GPC5: variants seen among roughly 807,000 people sequenced by gnomAD.
The protein encoded by GPC5 is glypican 5.
A neutral mutation model predicts 53.9 loss-of-function variants in GPC5; 47 were observed. That is an observed-to-expected ratio of 0.87 (90% CI 0.69 to 1.11). GPC5 has a LOEUF of 1.11. Among genes scored for constraint, GPC5 ranks in the 50% most tolerant of loss-of-function variants. The pLI is 0.00. For missense variants in GPC5, 748 were observed against 713.1 expected, an observed-to-expected ratio of 1.05 and a Z score of -0.56; for synonymous variants, 286 against 263.3, an observed-to-expected ratio of 1.09 and a Z score of -0.84.
intron 7 of GPC5, among the ~76,000 whole-genome samples, chr13:92,502,907 A>G (rs1181277719): frequency 6.6e-6 from 1 of 151,992 alleles, no homozygotes; most frequent in Non-Finnish European, 1.5e-5. Flanking sequence ...CCATATACAC[A>G]AGGAACATTC....
intron 7 of GPC5, among the ~76,000 whole-genome samples, chr13:92,225,768 T>C (rs1291942299): frequency 6.6e-6 from 1 of 152,194 alleles, no homozygotes; most frequent in Admixed American, 6.5e-5. Flanking sequence ...AAATGCCCTT[T>C]ATAAACTTTT....
intron 7 of GPC5, among the ~76,000 whole-genome samples, chr13:92,331,046 G>A (rs1417814160): frequency 1.3e-5 from 2 of 152,030 alleles, no homozygotes; most frequent in Non-Finnish European, 2.9e-5. Context: ...TCATCTTAGG[G>A]AATTTAACAA....
At chr13:92,559,385 C>G (rs1307749189) in intron 7 of GPC5, among the ~76,000 whole-genome samples, 2 of 149,036 alleles carry the variant, frequency 1.3e-5, no homozygotes, top group African/African-American at 4.9e-5. Context: ...TGTGGGGGCG[C>G]GGGTGTACTA....
chr13:91,671,381 ATTG>A (rs2035238876), intron 2 of GPC5, among the ~76,000 whole-genome samples: 1 of 152,040 alleles, frequency 6.6e-6, no homozygotes, highest in South Asian at 2.1e-4. Flanking sequence ...CTGCTTGCCT[ATTG>A]TTGGTGTAAA....
At chr13:91,921,960 G>A (rs1027653491) in intron 6 of GPC5, among the ~76,000 whole-genome samples, 1 of 151,972 alleles carries the variant, frequency 6.6e-6, no homozygotes, top group South Asian at 2.1e-4. Context: ...GACAGATTAA[G>A]GACCCTGTCT....
At chr13:92,649,521 G>T (rs1011538771) in intron 7 of GPC5, among the ~76,000 whole-genome samples, 3 of 152,096 alleles carry the variant, frequency 2.0e-5, no homozygotes, top group Non-Finnish European at 4.4e-5. Context: ...GACACTCATT[G>T]TTTATTTTAA....
chr13:92,573,097 T>C (rs1283041266), intron 7 of GPC5, among the ~76,000 whole-genome samples: 1 of 152,220 alleles, frequency 6.6e-6, no homozygotes, highest in African/African-American at 2.4e-5. Context: ...GTACAGAGGT[T>C]GAATTTTATC....
At chr13:91,515,266 AT>A (rs57370973) in intron 2 of GPC5, among the ~76,000 whole-genome samples, 5,700 of 152,106 alleles carry the variant, frequency 0.037, 369 homozygotes, top group African/African-American at 0.13. Context: ...AAACTTGTTC[AT>A]TTTTTTTAAA....
intron 7 of GPC5, among the ~76,000 whole-genome samples, chr13:92,221,647 A>T (rs2139088465): frequency 6.6e-6 from 1 of 152,264 alleles, no homozygotes; most frequent in Middle Eastern, 3.4e-3. Context: ...TCCACAAATG[A>T]TACCCCAGAA....
At chr13:91,979,921 C>T (rs1267649016) in intron 6 of GPC5, among the ~76,000 whole-genome samples, 1 of 152,172 alleles carries the variant, frequency 6.6e-6, no homozygotes, top group Non-Finnish European at 1.5e-5. Context: ...AATCACAAGT[C>T]ACTTAACACA....
intron 2 of GPC5, among the ~76,000 whole-genome samples, chr13:91,558,699 G>C (rs972906135): frequency 6.6e-6 from 1 of 152,030 alleles, no homozygotes; most frequent in Non-Finnish European, 1.5e-5. Flanking sequence ...ATTTTCTAGA[G>C]ATACGTTGAG....
intron 5 of GPC5, among the ~76,000 whole-genome samples, chr13:91,885,182 T>C (rs2039308963): frequency 6.6e-6 from 1 of 152,160 alleles, no homozygotes; most frequent in Non-Finnish European, 1.5e-5. Context: ...TACATTTTTA[T>C]TGGAAGGACA....
At chr13:92,104,859 TAA>T (rs1400198145) in intron 6 of GPC5, among the ~76,000 whole-genome samples, 2 of 152,120 alleles carry the variant, frequency 1.3e-5, no homozygotes, top group African/African-American at 2.4e-5. Flanking sequence ...GGCTTAGGCT[TAA>T]AGTGTTCTGG....
At chr13:91,401,134 C>G (rs138381856) in intron 1 of GPC5, among the ~76,000 whole-genome samples, 70 of 152,226 alleles carry the variant, frequency 4.6e-4, no homozygotes, top group African/African-American at 1.7e-3. Context: ...GAAAAAGTCA[C>G]ACAAAAGTGC....
intron 7 of GPC5, among the ~76,000 whole-genome samples, chr13:92,689,585 A>T (rs1887334333): frequency 4.2e-5 from 1 of 23,912 alleles, no homozygotes; most frequent in African/African-American, 1.3e-4. Flanking sequence ...TAATATTGTT[A>T]TGTGTGAATT....
intron 7 of GPC5, among the ~76,000 whole-genome samples, chr13:92,634,769 G>C (rs903947613): frequency 1.3e-5 from 2 of 151,686 alleles, no homozygotes; most frequent in African/African-American, 4.8e-5. Context: ...GGATCCTAAG[G>C]AAGAGTCCTA....
At chr13:91,464,311 T>C (rs1370118846) in intron 2 of GPC5, among the ~76,000 whole-genome samples, 1 of 152,118 alleles carries the variant, frequency 6.6e-6, no homozygotes, top group Non-Finnish European at 1.5e-5. Flanking sequence ...TGGAAAACAG[T>C]TGGCAGTTTC....
At chr13:92,313,604 C>T (rs190477324) in intron 7 of GPC5, among the ~76,000 whole-genome samples, 39 of 152,282 alleles carry the variant, frequency 2.6e-4, no homozygotes, top group African/African-American at 8.2e-4. Context: ...TTTCATACAG[C>T]CAGTTTCTGT....
At chr13:92,675,069 A>T (rs1446621935) in intron 7 of GPC5, among the ~76,000 whole-genome samples, 3 of 152,076 alleles carry the variant, frequency 2.0e-5, no homozygotes, top group African/African-American at 7.2e-5. Context: ...AACCTATGTC[A>T]AATACTTCTT....
Sources: allele counts gnomAD v4.1 joint callset (sites outside exome capture counted in the v4.1 genomes callset), GRCh38; gene constraint gnomAD v4.1.1; transcripts MANE v1.5; gene names NCBI Gene and HGNC (gene_info 2026-07-23, HGNC 2026-07-21).